The following STK24 variants were observed in gnomAD, a reference collection of about 807,000 sequenced individuals.
The protein encoded by STK24 is serine/threonine kinase 24, also known as serine/threonine-protein kinase 24.
STK24 carries 21 observed loss-of-function variants against 55.6 expected under a neutral mutation model. The ratio of observed to expected loss-of-function variants is 0.38; its 90% CI spans 0.27 to 0.54. The LOEUF (loss-of-function observed/expected upper bound fraction) is 0.54, where lower values mean the gene tolerates loss of function less well. Among genes scored for constraint, STK24 ranks in the 20% least tolerant of loss-of-function variants. STK24 has a pLI of 0.79. For synonymous variants in STK24, 200 were observed against 215.2 expected, an observed-to-expected ratio of 0.93 and a Z score of 0.62; for missense variants, 383 against 538.4, an observed-to-expected ratio of 0.71 and a Z score of 2.86.
chr13:98,502,279 G>A (rs1311838358), intron 2 of STK24, among the ~76,000 whole-genome samples: 1 of 152,202 alleles, frequency 6.6e-6, no homozygotes, highest in African/African-American at 2.4e-5. Flanking sequence ...CCGAAGCAGA[G>A]CAGCTGGGTC....
intron 2 of STK24, among the ~76,000 whole-genome samples, chr13:98,509,927 A>C (rs1441265139): frequency 6.6e-6 from 1 of 152,238 alleles, no homozygotes; most frequent in Non-Finnish European, 1.5e-5. Context: ...CAGGATATGT[A>C]AGTAATAAGT....
chr13:98,576,593 G>C, intron 1 of STK24, 152 bp downstream of exon 1: 1 of 543,922 alleles, frequency 1.8e-6, no homozygotes, highest in Non-Finnish European at 2.8e-6. Context: ...CAGGGACTCG[G>C]ACTCGGACCC....
chr13:98,446,962 A>G lies in STK24; in HGVS notation c.*6211T>C, dbSNP rs1032383507. On this transcript the variant is annotated 3_prime_UTR_variant, in exon 11 of 11. Transcript: ENST00000539966. The stretch of plus-strand genomic sequence containing the variant: ...TAGACCTGGGGTCCCACTGCCCGAC[A>G]CCAGCAGGCGATTCTGTTCTCATGG... 5 of 787,238 alleles carry G rather than the reference A, an allele frequency of 6.4e-6. No individual in the cohort carries two copies. The highest frequency in any genetic ancestry group is 5.2e-5 in the African/African-American group (3 of 57,774). 48.8% of individuals were successfully genotyped at this position (787,238 alleles called of 1,614,324 possible).
chr13:98,514,463 C>T (rs371897029), intron 2 of STK24, among the ~76,000 whole-genome samples: 2 of 152,208 alleles, frequency 1.3e-5, no homozygotes, highest in Non-Finnish European at 2.9e-5. Flanking sequence ...CCCAGAATAA[C>T]CTGTACTTTC....
chr13:98,562,697 C>T (rs1180174860), intron 1 of STK24, among the ~76,000 whole-genome samples: 2 of 152,068 alleles, frequency 1.3e-5, no homozygotes, highest in Non-Finnish European at 1.5e-5. Flanking sequence ...GGGCAGATCA[C>T]GAGGTCAAGA....
intron 1 of STK24, among the ~76,000 whole-genome samples, chr13:98,568,292 G>T (rs1258342144): frequency 6.6e-6 from 1 of 151,856 alleles, no homozygotes; most frequent in Non-Finnish European, 1.5e-5. Context: ...CCATCGCGCC[G>T]GGCCAGCAGA....
intron 9 of STK24, among the ~76,000 whole-genome samples, chr13:98,458,477 A>C (rs1224905949): frequency 6.6e-6 from 1 of 152,192 alleles, no homozygotes; most frequent in African/African-American, 2.4e-5. Context: ...AGGAACTAGA[A>C]GGGTCTGACC....
chr13:98,542,060 T>G (rs568837912), intron 1 of STK24, among the ~76,000 whole-genome samples: 1 of 152,216 alleles, frequency 6.6e-6, no homozygotes, highest in African/African-American at 2.4e-5. Flanking sequence ...AAGGGTCCAC[T>G]AGGACTTTAA....
intron 2 of STK24, among the ~76,000 whole-genome samples, chr13:98,497,154 GCA>G (rs1895280549): frequency 6.6e-6 from 1 of 152,102 alleles, no homozygotes; most frequent in South Asian, 2.1e-4. Flanking sequence ...CCTGCCCGCG[GCA>G]CAGTCCTGCT....
At chr13:98,494,430 T>TAAAAAA (rs1895171252) in intron 2 of STK24, among the ~76,000 whole-genome samples, 2 of 57,676 alleles carry the variant, frequency 3.5e-5, no homozygotes. Context: ...AAAAAAAAAG[T>TAAAAAA]GCCTCTAACA....
chr13:98,541,547 C>A (rs562267865), intron 1 of STK24, among the ~76,000 whole-genome samples: 1 of 152,326 alleles, frequency 6.6e-6, no homozygotes, highest in South Asian at 2.1e-4. Flanking sequence ...AAAATTATAA[C>A]CTAATTTACA....
At chr13:98,551,796 C>T (rs910055700) in intron 1 of STK24, among the ~76,000 whole-genome samples, 5 of 152,282 alleles carry the variant, frequency 3.3e-5, no homozygotes, top group South Asian at 4.1e-4. Context: ...GCAGGTATGG[C>T]GTAGGCATCT....
chr13:98,469,542 C>T (rs60623094), intron 5 of STK24, among the ~76,000 whole-genome samples: 1 of 133,794 alleles, frequency 7.5e-6, no homozygotes, highest in African/African-American at 2.6e-5. Flanking sequence ...CATCCCCCCC[C>T]CCAAAAAAAA....
intron 9 of STK24, 103 bp from the exon 10 acceptor site, chr13:98,457,407 C>T: frequency 6.4e-7 from 1 of 1,557,488 alleles, no homozygotes; most frequent in Non-Finnish European, 8.7e-7. Context: ...ACGACACTAC[C>T]CCAGCCCCAG....
At chr13:98,517,017 C>T (rs527898153) in intron 2 of STK24, among the ~76,000 whole-genome samples, 137 of 152,210 alleles carry the variant, frequency 9.0e-4, no homozygotes, top group Non-Finnish European at 1.6e-3. Context: ...CACAATAAAG[C>T]AGCCCATTCC....
chr13:98,486,808 A>C (rs1202552970), intron 2 of STK24, among the ~76,000 whole-genome samples: 1 of 152,196 alleles, frequency 6.6e-6, no homozygotes, highest in Non-Finnish European at 1.5e-5. Flanking sequence ...TTACACACTG[A>C]AACTCCTGCA....
At chr13:98,486,218 AG>A (rs1894802127) in intron 2 of STK24, among the ~76,000 whole-genome samples, 3 of 145,618 alleles carry the variant, frequency 2.1e-5, no homozygotes, top group African/African-American at 7.7e-5. Context: ...AAAAAAAAAA[AG>A]AAAGAAAAAG....
intron 1 of STK24, 65 bp downstream of exon 1, chr13:98,576,680 A>G (rs867896667): frequency 7.6e-7 from 1 of 1,320,596 alleles, no homozygotes. Flanking sequence ...CGCCGTGTGG[A>G]TACCGCCAAG....
Position 98,576,844 on chromosome 13 carries a change from G to A in STK24, c.-58C>T. On this transcript the variant is annotated 5_prime_UTR_variant, in exon 1 of 11. Transcript: ENST00000539966. ...CGGCCGGGCCGCGACGATCCGCGCG[G>A]GGCGGCGAGGCCCGCGGGCCGCGCG... The A allele has an allele frequency of 1.8e-6, 2 of 1,094,130 alleles. No homozygotes were observed. Among genetic ancestry groups the A allele is most frequent in the Non-Finnish European group, 2.2e-6 (2 of 900,928 alleles). 67.8% of individuals were successfully genotyped at this position (1,094,130 alleles called of 1,614,324 possible).
Sources: gnomAD v4.1 joint callset for allele counts (sites outside exome capture counted in the v4.1 genomes callset) on GRCh38, gnomAD v4.1.1 for gene constraint, MANE v1.5 for transcripts, NCBI Gene and HGNC (gene_info 2026-07-23, HGNC 2026-07-21) for gene names.